Variants in FAM86B1 observed in about 807,000 individuals in gnomAD.
FAM86B1 encodes putative protein N-methyltransferase FAM86B1.
For missense variants in FAM86B1, 13 were observed against 328.1 expected (o/e 0.04, Z 7.42); for synonymous variants, 4 against 137.6 (o/e 0.03, Z 6.79).
At chr8:12,194,775 C>T (rs1807546949), upstream of FAM86B1, 1 of 148,652 alleles carries the variant, frequency 6.7e-6, no homozygotes, top group Non-Finnish European at 1.4e-5. Context: ...TGGGGCTGGG[C>T]TCAGGGGCCG....
intron 6 of FAM86B1, chr8:12,185,121 G>C: frequency 1.2e-6 from 1 of 805,750 alleles, no homozygotes; most frequent in Non-Finnish European, 1.9e-6. Flanking sequence ...AGGGCTTAGG[G>C]AACCCTGCTC....
rs1185948725 is a variant in FAM86B1 at position 12,182,344 on chromosome 8, A to G, written c.*1262T>C. On this transcript the variant is annotated 3_prime_UTR_variant, in exon 7 of 7. Transcript: ENST00000448228. ...GGTGCTCCAGGGCACCAAGTGTGGG[A>G]AAGTGGGACATACGGGGAAGTTTCC... 1 of 474,998 alleles carries G rather than the reference A, an allele frequency of 2.1e-6. No individual in the cohort carries two copies. Among genetic ancestry groups the G allele is most frequent in the African/African-American group, 2.2e-5 (1 of 45,904 alleles). 29.4% of individuals were successfully genotyped at this position (474,998 alleles called of 1,614,324 possible).
At chr8:12,186,223 G>A (rs1805785898) in intron 5 of FAM86B1, 129 bp downstream of exon 5, 2 of 1,001,032 alleles carry the variant, frequency 2.0e-6, no homozygotes, top group East Asian at 6.8e-5. Context: ...TGGAGGCCCA[G>A]AGTAACTCTT....
chr8:12,192,814 A>G (rs1307875738), intron 1 of FAM86B1, among the ~76,000 whole-genome samples: 3 of 150,512 alleles, frequency 2.0e-5, no homozygotes, highest in East Asian at 3.9e-4. Flanking sequence ...ACCGACATGC[A>G]TTTACCATGA....
At chr8:12,184,108 T>G (rs367661335) in intron 6 of FAM86B1, among the ~76,000 whole-genome samples, 8,852 of 51,238 alleles carry the variant, frequency 0.17, 2,108 homozygotes, top group Non-Finnish European at 0.22. Context: ...TTATACTATG[T>G]GTGCTGCTTG....
chr8:12,191,284 GC>G (rs548410379), intron 2 of FAM86B1, among the ~76,000 whole-genome samples: 647 of 64,096 alleles, frequency 0.01, no homozygotes, highest in Middle Eastern at 0.033. Context: ...TCTGCACTTG[GC>G]CCTCAATGCC....
At chr8:12,192,740 A>C (rs1276974808) in intron 1 of FAM86B1, among the ~76,000 whole-genome samples, 5 of 144,784 alleles carry the variant, frequency 3.5e-5, no homozygotes, top group African/African-American at 1.1e-4. Context: ...CTGCCGATCC[A>C]TGGTGCCTGG....
intron 3 of FAM86B1, among the ~76,000 whole-genome samples, chr8:12,189,286 ATAAATAAATAAATAAG>A (rs1488072590): frequency 2.7e-3 from 160 of 60,212 alleles, no homozygotes; most frequent in Middle Eastern, 0.019. Flanking sequence ...AAATAAATAA[ATAAATAAATAAATAAG>A]TAAAAAATAA....
Position 12,183,152 on chromosome 8 carries a change from AGCTGC to A in FAM86B1, c.*449_*453del, listed in dbSNP as rs1377851680. 11 of 112,060 alleles carry A rather than the reference AGCTGC, an allele frequency of 9.8e-5. No homozygotes were observed. Among genetic ancestry groups the A allele is most frequent in the African/African-American group, 3.4e-4 (9 of 26,812 alleles). The allele number at this position is 112,060 out of a possible 1,614,324, so 6.9% of individuals were successfully genotyped here. ...AACCGAGTGTGTCCAGGGATGTGGC[AGCTGC>A]AGCGGGCTTGGCTTTGTGAGGAACC... is the stretch of plus-strand genomic sequence containing the variant. On this transcript the variant is annotated 3_prime_UTR_variant, in exon 7 of 7. Coordinates refer to ENST00000448228, the MANE Select transcript of FAM86B1 (RefSeq NM_001083537.4).
intron 2 of FAM86B1, among the ~76,000 whole-genome samples, chr8:12,191,138 T>C (rs1315522229): frequency 2.0e-4 from 23 of 115,886 alleles, no homozygotes; most frequent in African/African-American, 8.5e-4. Flanking sequence ...TGGGTGGGCG[T>C]GGAGGATGTC....
intron 1 of FAM86B1, among the ~76,000 whole-genome samples, chr8:12,192,480 G>A (rs1470775930): frequency 1.6e-5 from 2 of 128,532 alleles, no homozygotes; most frequent in African/African-American, 3.7e-5. Context: ...CCACAACAGG[G>A]CCTTTGCATA....
chr8:12,194,097 CG>C (rs1563203827), upstream of FAM86B1: 1 of 1,355,172 alleles, frequency 7.4e-7, no homozygotes, highest in Non-Finnish European at 1.0e-6. Flanking sequence ...CAGCCGTTGC[CG>C]GGAGACCTGG....
At chr8:12,194,239 C>CG (rs1392047029), upstream of FAM86B1, 5 of 914,778 alleles carry the variant, frequency 5.5e-6, no homozygotes, top group Non-Finnish European at 8.1e-6. Context: ...CCAAGATGAG[C>CG]GTTAGGAGGG....
chr8:12,189,253 AATAT>A (rs1563196851), intron 3 of FAM86B1, among the ~76,000 whole-genome samples: 186 of 118,162 alleles, frequency 1.6e-3, no homozygotes, highest in South Asian at 2.2e-3. Context: ...TCTCAAAAAA[AATAT>A]ATAAATAAAT....
intron 1 of FAM86B1, among the ~76,000 whole-genome samples, chr8:12,192,871 C>T (rs1807148242): frequency 6.7e-6 from 1 of 150,122 alleles, no homozygotes; most frequent in Non-Finnish European, 1.5e-5. Context: ...TGAGAACAAC[C>T]CTAAGAGGTA....
At chr8:12,193,932 TC>T (rs1408444317) in intron 1 of FAM86B1, 42 bp downstream of exon 1, 48 of 1,112,576 alleles carry the variant, frequency 4.3e-5, no homozygotes, top group Admixed American at 3.1e-4. Flanking sequence ...GCCCCTGGAC[TC>T]CCGCGACCCC....
At chr8:12,191,076 G>C (rs1458491776) in intron 2 of FAM86B1, among the ~76,000 whole-genome samples, 2 of 145,510 alleles carry the variant, frequency 1.4e-5, no homozygotes, top group Non-Finnish European at 1.5e-5. Flanking sequence ...GGATAATCTT[G>C]GTTCATCTCT....
rs1805072046 is a variant in FAM86B1 at position 12,182,500 on chromosome 8, G to A, written c.*1106C>T. 7.1e-7 allele frequency: 1 copy of A among 1,406,488 alleles called. No individual in the cohort carries two copies. The highest frequency in any genetic ancestry group is 2.4e-5 in the East Asian group (1 of 41,982). The allele number at this position is 1,406,488 out of a possible 1,614,324, so 87.1% of individuals were successfully genotyped here. The stretch of plus-strand genomic sequence containing the variant: ...AGGGACTTGGGAGGGGTTGTTGTTG[G>A]GTCGGGGACCTGGGGTCATCCAAGT... On this transcript the variant is annotated 3_prime_UTR_variant, in exon 7 of 7. Coordinates refer to ENST00000448228, the MANE Select transcript of FAM86B1 (RefSeq NM_001083537.4).
At chr8:12,187,296 A>G (rs544116639) in intron 3 of FAM86B1, among the ~76,000 whole-genome samples, 4 of 17,248 alleles carry the variant, frequency 2.3e-4, no homozygotes, top group African/African-American at 4.6e-4. Flanking sequence ...GGGTTCAAGC[A>G]ATTCTCCTGC....
Sources: allele counts gnomAD v4.1 joint callset (sites outside exome capture counted in the v4.1 genomes callset), GRCh38; gene constraint gnomAD v4.1.1; transcripts MANE v1.5; gene names NCBI Gene and HGNC (gene_info 2026-07-23, HGNC 2026-07-21).